CAMSAP2: variants seen among roughly 807,000 people sequenced by gnomAD.
CAMSAP2 encodes calmodulin regulated spectrin associated protein family member 2, also known as calmodulin-regulated spectrin-associated protein 2.
A neutral mutation model predicts 146.1 loss-of-function variants in CAMSAP2; 26 were observed. That is an observed-to-expected ratio of 0.18 (90% CI 0.13 to 0.25). CAMSAP2 has a LOEUF of 0.25. CAMSAP2 is among the 10% of genes least tolerant of loss of function. CAMSAP2 has a pLI of 1.00. For missense variants in CAMSAP2, 1,381 were observed against 1,759.3 expected, an observed-to-expected ratio of 0.78 and a Z score of 3.85; for synonymous variants, 499 against 596.6, an observed-to-expected ratio of 0.84 and a Z score of 2.38.
chr1:200,859,502 C>T lies in CAMSAP2; in HGVS notation c.*1443C>T, dbSNP rs1436195021. ...CTATTATTATAAGGCCTTTAGGCAT[C>T]AGTGCATCTGGGTTATCAACATTTT... On this transcript the variant is annotated 3_prime_UTR_variant, in exon 17 of 17. Coordinates refer to ENST00000358823, the MANE Select transcript of CAMSAP2 (RefSeq NM_203459.4). 2.0e-5 allele frequency: 3 copies of T among 152,596 alleles called. No homozygotes were observed. Among genetic ancestry groups the T allele is most frequent in the African/African-American group, 7.2e-5 (3 of 41,424 alleles). 9.5% of individuals were successfully genotyped at this position (152,596 alleles called of 1,614,324 possible). A position where few individuals can be genotyped will look rare whatever the true frequency, so the allele number is the denominator to read the frequency against.
intron 6 of CAMSAP2, among the ~76,000 whole-genome samples, chr1:200,833,799 A>T (rs1208805383): frequency 1.3e-5 from 2 of 152,224 alleles, no homozygotes; most frequent in Admixed American, 6.5e-5. Flanking sequence ...TGATATGTAT[A>T]GTTAAATGAT....
intron 2 of CAMSAP2, among the ~76,000 whole-genome samples, chr1:200,766,654 C>A (rs1664960897): frequency 6.7e-6 from 1 of 149,994 alleles, no homozygotes; most frequent in Admixed American, 6.6e-5. Context: ...ATCCTATATT[C>A]TTTTTCGGTT....
intron 2 of CAMSAP2, among the ~76,000 whole-genome samples, chr1:200,774,562 G>T (rs779406590): frequency 1.1e-4 from 17 of 152,224 alleles, no homozygotes; most frequent in Non-Finnish European, 2.5e-4. Flanking sequence ...CTAGAGAGTG[G>T]TGAAAGCTGT....
At chr1:200,817,163 CACGTGTGTGTATATACACACACACACAT>C (rs1666594648) in intron 4 of CAMSAP2, among the ~76,000 whole-genome samples, 1 of 75,440 alleles carries the variant, frequency 1.3e-5, no homozygotes, top group Non-Finnish European at 2.4e-5. Flanking sequence ...CACATACACA[CACGTGTGTGTATATACACACACACACAT>C]GTGTGTGTGT....
At chr1:200,750,569 CTGTATG>C (rs1353373678) in intron 1 of CAMSAP2, among the ~76,000 whole-genome samples, 2 of 144,900 alleles carry the variant, frequency 1.4e-5, no homozygotes, top group African/African-American at 5.3e-5. Flanking sequence ...ACACAAATGC[CTGTATG>C]TGTGTGTGTG....
intron 1 of CAMSAP2, among the ~76,000 whole-genome samples, chr1:200,740,648 A>G (rs778968992): frequency 8.5e-5 from 13 of 152,224 alleles, no homozygotes; most frequent in African/African-American, 3.1e-4. Context: ...AAAAGAAACA[A>G]AAACTCCCTA....
chr1:200,857,485 G>A lies in CAMSAP2; in HGVS notation c.4131+61G>A, dbSNP rs780471612. The stretch of plus-strand genomic sequence containing the variant: ...CTGTAGAAGTCTTTTATCCATTCAA[G>A]AGAATGTACTCTCATGGGCCTAGAC... On this transcript the variant is annotated intron_variant, in intron 16 of 16. Coordinates refer to ENST00000358823, the MANE Select transcript of CAMSAP2 (RefSeq NM_203459.4). This position sits in a 1 kb window ranked among gnomAD's most constrained non-coding sequence, Gnocchi z 4.7. 2.6e-6 allele frequency: 3 copies of A among 1,138,856 alleles called. No homozygotes were observed. The highest frequency in any genetic ancestry group is 2.7e-6 in the Non-Finnish European group (2 of 751,370). 70.5% of individuals were successfully genotyped at this position (1,138,856 alleles called of 1,614,324 possible).
At chr1:200,839,944 T>C (rs775362778) in intron 6 of CAMSAP2, among the ~76,000 whole-genome samples, 73 of 152,252 alleles carry the variant, frequency 4.8e-4, no homozygotes, top group Non-Finnish European at 4.7e-4. Context: ...AGCATTCTTA[T>C]TACTTTTTTT....
chr1:200,756,041 A>G (rs1235203324), intron 1 of CAMSAP2, among the ~76,000 whole-genome samples: 2 of 152,212 alleles, frequency 1.3e-5, no homozygotes, highest in Non-Finnish European at 2.9e-5. Context: ...TGTTTGGAAC[A>G]TAGCGGCCTG....
Position 200,848,151 on chromosome 1 carries a change from A to G in CAMSAP2, c.1382A>G (p.Asn461Ser). 6.2e-7 allele frequency: 1 copy of G among 1,613,830 alleles called. No homozygotes were observed. Among genetic ancestry groups the G allele is most frequent in the African/African-American group, 1.3e-5 (1 of 75,062 alleles). ...SISNEGLTLN[N>S]SHVSKHIRKN... ...AGTAATGAAGGACTTACTCTGAACA[A>G]CAGTCATGTATCTAAACACATTAGG... The change falls in exon 11 of 17, where the codon AAC becomes AGC. Residue 461 changes from asparagine to serine, a missense_variant. Around this residue, in one of 4 missense-constraint regions of CAMSAP2, gnomAD observed 447 missense variants for 462.2 expected, o/e 0.97. Coordinates refer to ENST00000358823, the MANE Select transcript of CAMSAP2 (RefSeq NM_203459.4).
At chr1:200,769,499 T>C (rs2103011227) in intron 2 of CAMSAP2, among the ~76,000 whole-genome samples, 1 of 152,200 alleles carries the variant, frequency 6.6e-6, no homozygotes, top group Non-Finnish European at 1.5e-5. Flanking sequence ...GAGGGCTTAG[T>C]CCCCAAGACT....
chr1:200,747,842 C>A (rs767305668), intron 1 of CAMSAP2, among the ~76,000 whole-genome samples: 49 of 152,218 alleles, frequency 3.2e-4, no homozygotes, highest in Non-Finnish European at 2.5e-4. Flanking sequence ...AAAAAATTAG[C>A]CGGGCGTAGT....
intron 6 of CAMSAP2, among the ~76,000 whole-genome samples, chr1:200,841,613 G>A (rs1323700012): frequency 6.6e-6 from 1 of 152,166 alleles, no homozygotes; most frequent in African/African-American, 2.4e-5. Context: ...TCTGAGTAGA[G>A]CTTAGTTATG....
At chr1:200,810,031 C>T (rs1052763895) in intron 3 of CAMSAP2, among the ~76,000 whole-genome samples, 1 of 152,164 alleles carries the variant, frequency 6.6e-6, no homozygotes, top group African/African-American at 2.4e-5. Context: ...TCTTAAAGGT[C>T]CCACCTTTCA....
intron 4 of CAMSAP2, among the ~76,000 whole-genome samples, chr1:200,822,139 TACACAC>T (rs150135269): frequency 0.26 from 37,858 of 146,172 alleles, 5,541 homozygotes; most frequent in East Asian, 0.48. Context: ...TCTCTCGCTC[TACACAC>T]ACACACACAC....
intron 4 of CAMSAP2, among the ~76,000 whole-genome samples, chr1:200,831,286 G>T (rs1398696588): frequency 1.3e-5 from 2 of 152,148 alleles, no homozygotes; most frequent in African/African-American, 4.8e-5. Flanking sequence ...TGCCCAGCAG[G>T]ATGCATAGCA....
chr1:200,772,733 C>T (rs577089563), intron 2 of CAMSAP2, among the ~76,000 whole-genome samples: 37 of 152,208 alleles, frequency 2.4e-4, no homozygotes, highest in African/African-American at 8.9e-4. Flanking sequence ...CCATGTTTTT[C>T]TTTAAAAATG....
intron 1 of CAMSAP2, among the ~76,000 whole-genome samples, chr1:200,753,100 C>A (rs1399658411): frequency 1.3e-5 from 2 of 151,740 alleles, no homozygotes; most frequent in Admixed American, 1.3e-4. Context: ...TTTGAGACCA[C>A]CCTGGCAAAC....
intron 4 of CAMSAP2, among the ~76,000 whole-genome samples, chr1:200,823,126 A>G (rs184254747): frequency 2.6e-5 from 4 of 152,206 alleles, no homozygotes; most frequent in African/African-American, 7.2e-5. Flanking sequence ...TCACAAATTT[A>G]TAATTTTCTA....
Sources: gnomAD v4.1 joint callset for allele counts (sites outside exome capture counted in the v4.1 genomes callset) on GRCh38, gnomAD v4.1.1 for gene constraint, gnomAD v4.1.1 regional missense constraint, Gnocchi (gnomAD v3.1) non-coding constraint, MANE v1.5 for transcripts, NCBI Gene and HGNC (gene_info 2026-07-23, HGNC 2026-07-21) for gene names.